NXPE2: variants seen among roughly 807,000 people sequenced by gnomAD.
The protein encoded by NXPE2 is neurexophilin and PC-esterase domain family member 2.
NXPE2 carries 34 observed loss-of-function variants against 34.4 expected under a neutral mutation model. The ratio of observed to expected loss-of-function variants is 0.99; its 90% CI spans 0.75 to 1.31. NXPE2 has a LOEUF of 1.31. NXPE2 is among the 40% of genes most tolerant of loss of function. The pLI is 0.00. For synonymous variants in NXPE2, 235 were observed against 231.3 expected (o/e 1.02, Z -0.15); for missense variants, 649 against 672.5 (o/e 0.97, Z 0.39).
chr11:114,610,551 TCG>T, the NXPE2 span, among the ~76,000 whole-genome samples: 1 of 103,472 alleles, frequency 9.7e-6, no homozygotes, highest in Non-Finnish European at 2.4e-5. Flanking sequence ...AAGTGTTGCC[TCG>T]TGGTTAACCA....
chr11:114,522,048 C>T, the NXPE2 span: 2 of 1,613,838 alleles, frequency 1.2e-6, no homozygotes, highest in Admixed American at 3.3e-5. Flanking sequence ...GTGCCATATG[C>T]AATGGTCATG....
At chr11:114,549,601 T>C in the NXPE2 span, among the ~76,000 whole-genome samples, 2 of 152,134 alleles carry the variant, frequency 1.3e-5, no homozygotes, top group African/African-American at 4.8e-5. Context: ...ACATAAAATA[T>C]ATACTTTAAC....
the NXPE2 span, among the ~76,000 whole-genome samples, chr11:114,558,117 C>T: frequency 1.3e-5 from 2 of 151,788 alleles, no homozygotes; most frequent in African/African-American, 4.8e-5. Flanking sequence ...CAAAAGGAGA[C>T]TATAAGCAAG....
At chr11:114,581,943 A>G in the NXPE2 span, among the ~76,000 whole-genome samples, 3 of 152,182 alleles carry the variant, frequency 2.0e-5, no homozygotes, top group Non-Finnish European at 4.4e-5. Context: ...TTCTTTGCCT[A>G]TTAGGCTATG....
At chr11:114,719,433 G>C in the NXPE2 span, among the ~76,000 whole-genome samples, 1 of 152,170 alleles carries the variant, frequency 6.6e-6, no homozygotes, top group African/African-American at 2.4e-5. Flanking sequence ...CAGAGGACTG[G>C]GTGCCACAGG....
At chr11:114,611,845 A>G in the NXPE2 span, among the ~76,000 whole-genome samples, 6 of 151,470 alleles carry the variant, frequency 4.0e-5, no homozygotes, top group East Asian at 2.0e-4. Flanking sequence ...ATATTTCCTC[A>G]TGGGAAACCA....
At chr11:114,469,414 C>T in the NXPE2 span, among the ~76,000 whole-genome samples, 1 of 152,036 alleles carries the variant, frequency 6.6e-6, no homozygotes, top group African/African-American at 2.4e-5. Context: ...CGCCTTGCCA[C>T]AGTGCTAGCT....
chr11:114,567,379 T>C, the NXPE2 span, among the ~76,000 whole-genome samples: 2 of 152,010 alleles, frequency 1.3e-5, no homozygotes, highest in African/African-American at 2.4e-5. Context: ...GATTCCCTTC[T>C]GCTTGTCCAG....
the NXPE2 span, among the ~76,000 whole-genome samples, chr11:114,765,605 C>G: frequency 1.3e-5 from 2 of 152,080 alleles, no homozygotes; most frequent in Non-Finnish European, 2.9e-5. Flanking sequence ...TGAGGTATAC[C>G]TACAACCATT....
At chr11:114,703,725 A>G (rs1364263685) in intron 3 of NXPE2, among the ~76,000 whole-genome samples, 1 of 151,334 alleles carries the variant, frequency 6.6e-6, no homozygotes, top group Non-Finnish European at 1.5e-5. Flanking sequence ...AGACAGACAG[A>G]CAGATAGATA....
At chr11:114,530,373 C>G in the NXPE2 span, 1 of 1,614,172 alleles carries the variant, frequency 6.2e-7, no homozygotes, top group Non-Finnish European at 8.5e-7. Flanking sequence ...ATGAGAGGTG[C>G]CATTAACAAA....
the NXPE2 span, among the ~76,000 whole-genome samples, chr11:114,759,485 T>A: frequency 6.6e-6 from 1 of 152,258 alleles, no homozygotes; most frequent in East Asian, 1.9e-4. Flanking sequence ...TCCTTTTAAC[T>A]AACACCTTGT....
chr11:114,728,963 CA>C, the NXPE2 span, among the ~76,000 whole-genome samples: 1 of 151,630 alleles, frequency 6.6e-6, no homozygotes, highest in African/African-American at 2.4e-5. Flanking sequence ...GGTATATGTA[CA>C]GATTTGTTAC....
At chr11:114,506,038 CA>C in the NXPE2 span, among the ~76,000 whole-genome samples, 1 of 146,660 alleles carries the variant, frequency 6.8e-6, no homozygotes, top group South Asian at 2.1e-4. Context: ...ATCTACCAAG[CA>C]AATGGAAAAC....
At chr11:114,538,783 A>T in the NXPE2 span, among the ~76,000 whole-genome samples, 7 of 152,114 alleles carry the variant, frequency 4.6e-5, no homozygotes, top group Non-Finnish European at 8.8e-5. Flanking sequence ...GTCAGGAAAC[A>T]ACAGGTGCTG....
At chr11:114,606,826 C>T in the NXPE2 span, among the ~76,000 whole-genome samples, 34 of 142,068 alleles carry the variant, frequency 2.4e-4, no homozygotes, top group African/African-American at 8.7e-4. Context: ...GTTACCCAGT[C>T]GATAATAAGT....
At chr11:114,792,150 T>C in the NXPE2 span, among the ~76,000 whole-genome samples, 1 of 152,344 alleles carries the variant, frequency 6.6e-6, no homozygotes, top group East Asian at 1.9e-4. Flanking sequence ...TAAAGTTCCA[T>C]GGGCCCCCTC....
chr11:114,617,306 C>A, the NXPE2 span, among the ~76,000 whole-genome samples: 1 of 141,834 alleles, frequency 7.1e-6, no homozygotes, highest in Non-Finnish European at 1.5e-5. Flanking sequence ...CCACCAGATA[C>A]TAAGTTTTGC....
the NXPE2 span, among the ~76,000 whole-genome samples, chr11:114,767,290 T>C: frequency 6.6e-6 from 1 of 152,216 alleles, no homozygotes; most frequent in South Asian, 2.1e-4. Context: ...GGGCTGATGA[T>C]ATCACTAGAT....
Sources: allele counts gnomAD v4.1 joint callset (sites outside exome capture counted in the v4.1 genomes callset), GRCh38; gene constraint gnomAD v4.1.1; transcripts MANE v1.5; gene names NCBI Gene and HGNC (gene_info 2026-07-23, HGNC 2026-07-21).